Variants in TACR1 observed in about 807,000 individuals in gnomAD.
TACR1 encodes tachykinin receptor 1.
A neutral mutation model predicts 35.8 loss-of-function variants in TACR1; 25 were observed. That is an observed-to-expected ratio of 0.70 (90% CI 0.51 to 0.98). The LOEUF is 0.98. TACR1 is among the 50% of genes least tolerant of loss of function. The pLI is 0.00. For missense variants in TACR1, 478 were observed against 522.9 expected (o/e 0.91, Z 0.84); for synonymous variants, 195 against 206.7 (o/e 0.94, Z 0.48).
intron 2 of TACR1, among the ~76,000 whole-genome samples, chr2:75,060,226 G>A (rs1390368384): frequency 1.3e-5 from 2 of 152,148 alleles, no homozygotes; most frequent in African/African-American, 4.8e-5. Flanking sequence ...ACCTCTTCAA[G>A]GGGAGTGGAG....
intron 1 of TACR1, among the ~76,000 whole-genome samples, chr2:75,158,211 A>G (rs1402480477): frequency 6.6e-6 from 1 of 152,184 alleles, no homozygotes; most frequent in Non-Finnish European, 1.5e-5. Context: ...CTTCCTATGG[A>G]CGAAGATCGA....
intron 1 of TACR1, among the ~76,000 whole-genome samples, chr2:75,132,394 T>G (rs1349556998): frequency 6.6e-6 from 1 of 152,216 alleles, no homozygotes; most frequent in Non-Finnish European, 1.5e-5. Context: ...TGCTATTAGA[T>G]TCGTCCACTG....
chr2:75,179,550 A>G (rs1283919473), intron 1 of TACR1, among the ~76,000 whole-genome samples: 2 of 152,362 alleles, frequency 1.3e-5, no homozygotes, highest in South Asian at 4.1e-4. Context: ...TTGTGGTGGT[A>G]GAGAATTTTA....
intron 2 of TACR1, among the ~76,000 whole-genome samples, chr2:75,088,642 G>A (rs1217829674): frequency 6.6e-6 from 1 of 152,008 alleles, no homozygotes; most frequent in Non-Finnish European, 1.5e-5. Flanking sequence ...GCATGGCAGG[G>A]GGCATTTCTC....
chr2:75,124,374 C>T (rs1422817533), intron 1 of TACR1, among the ~76,000 whole-genome samples: 3 of 152,198 alleles, frequency 2.0e-5, no homozygotes, highest in Admixed American at 1.3e-4. Context: ...GCAGAGAGAA[C>T]GTCTTTCCTC....
At chr2:75,115,084 C>CGTGT (rs3079164) in intron 2 of TACR1, among the ~76,000 whole-genome samples, 2,006 of 148,750 alleles carry the variant, frequency 0.013, 30 homozygotes, top group African/African-American at 0.037. Flanking sequence ...TGTTAACATA[C>CGTGT]GTGTGTGTGT....
At chr2:75,133,835 AG>A in intron 1 of TACR1, among the ~76,000 whole-genome samples, 1 of 152,332 alleles carries the variant, frequency 6.6e-6, no homozygotes, top group South Asian at 2.1e-4. Context: ...TCTAAATCAC[AG>A]GGTGACATAA....
chr2:75,122,328 C>T (rs1489096726), intron 1 of TACR1, among the ~76,000 whole-genome samples: 9 of 152,158 alleles, frequency 5.9e-5, no homozygotes, highest in Admixed American at 3.9e-4. Context: ...CTTGTTTCTC[C>T]ATGTTAGGAT....
chr2:75,114,150 C>A (rs1673806441), intron 2 of TACR1, among the ~76,000 whole-genome samples: 1 of 152,158 alleles, frequency 6.6e-6, no homozygotes, highest in Non-Finnish European at 1.5e-5. Context: ...CACAAAATAT[C>A]CAGTTAATTA....
intron 1 of TACR1, among the ~76,000 whole-genome samples, chr2:75,159,475 T>C (rs11902752): frequency 0.029 from 4,384 of 152,272 alleles, 201 homozygotes; most frequent in African/African-American, 0.099. Flanking sequence ...ACTCCGAGAA[T>C]TCCTCAGTGA....
At chr2:75,171,683 G>A (rs751944875) in intron 1 of TACR1, among the ~76,000 whole-genome samples, 1 of 152,212 alleles carries the variant, frequency 6.6e-6, no homozygotes, top group East Asian at 1.9e-4. Flanking sequence ...TTGCATCAGC[G>A]TGACCTGGAT....
chr2:75,145,652 C>T (rs192786405), intron 1 of TACR1, among the ~76,000 whole-genome samples: 2 of 152,258 alleles, frequency 1.3e-5, no homozygotes, highest in East Asian at 3.9e-4. Flanking sequence ...TAAACACGTA[C>T]TGAAATATGT....
At chr2:75,193,669 A>G (rs896010479) in intron 1 of TACR1, among the ~76,000 whole-genome samples, 23 of 151,756 alleles carry the variant, frequency 1.5e-4, no homozygotes, top group Non-Finnish European at 2.8e-4. Flanking sequence ...TTTTTAATCA[A>G]CTTCTCTAAA....
At chr2:75,069,901 T>A (rs1302255324) in intron 2 of TACR1, among the ~76,000 whole-genome samples, 1 of 152,190 alleles carries the variant, frequency 6.6e-6, no homozygotes, top group Non-Finnish European at 1.5e-5. Flanking sequence ...GTGAAGACAC[T>A]CTTTTTTCTT....
intron 2 of TACR1, among the ~76,000 whole-genome samples, chr2:75,058,141 CCAAA>C (rs1672606681): frequency 6.6e-6 from 1 of 152,050 alleles, no homozygotes; most frequent in Non-Finnish European, 1.5e-5. Context: ...AATGCTCAAT[CCAAA>C]CAGTGTCCAA....
intron 2 of TACR1, among the ~76,000 whole-genome samples, chr2:75,074,580 G>T (rs1672942078): frequency 6.6e-6 from 1 of 152,070 alleles, no homozygotes; most frequent in Non-Finnish European, 1.5e-5. Flanking sequence ...AGCTAGTGAG[G>T]AATACACTAT....
At chr2:75,126,137 C>A (rs1348470891) in intron 1 of TACR1, among the ~76,000 whole-genome samples, 1 of 152,130 alleles carries the variant, frequency 6.6e-6, no homozygotes, top group Non-Finnish European at 1.5e-5. Context: ...CAGTTCTCAT[C>A]ATTTAGTTCC....
At chr2:75,091,292 A>G (rs1673307715) in intron 2 of TACR1, among the ~76,000 whole-genome samples, 1 of 150,912 alleles carries the variant, frequency 6.6e-6, no homozygotes, top group Non-Finnish European at 1.5e-5. Context: ...TTACTCAACC[A>G]TTCTGGATCT....
chr2:75,049,142 C>T lies in TACR1; in HGVS notation c.*290G>A. 1 of 391,598 alleles carries T rather than the reference C, an allele frequency of 2.6e-6. No homozygotes were observed. Among genetic ancestry groups the T allele is most frequent in the Non-Finnish European group, 4.6e-6 (1 of 217,318 alleles). The allele number at this position is 391,598 out of a possible 1,614,324, so 24.3% of individuals were successfully genotyped here. A position where few individuals can be genotyped will look rare whatever the true frequency, so the allele number is the denominator to read the frequency against. On this transcript the variant is annotated 3_prime_UTR_variant, in exon 5 of 5. Transcript: ENST00000305249. ...CACTCGCATGCAGCCAAAGTCACTT[C>T]CAGAATGGAATGAATGGGCTTTTGG... is the stretch of plus-strand genomic sequence containing the variant.
Sources: gnomAD v4.1 joint callset for allele counts (sites outside exome capture counted in the v4.1 genomes callset) on GRCh38, gnomAD v4.1.1 for gene constraint, MANE v1.5 for transcripts, NCBI Gene and HGNC (gene_info 2026-07-23, HGNC 2026-07-21) for gene names.